SND1: variants seen among roughly 807,000 people sequenced by gnomAD.
The protein encoded by SND1 is staphylococcal nuclease domain-containing protein 1.
Under a neutral mutation model 121.7 loss-of-function variants are expected in SND1, and 38 were observed. The observed-to-expected ratio is 0.31, with a 90% CI of 0.24 to 0.41. The LOEUF is 0.41. Ranked by LOEUF, SND1 falls within the 10% of genes least tolerant of loss-of-function variation. SND1 has a pLI of 1.00. For missense variants in SND1, 868 were observed against 1,184.6 expected (o/e 0.73, Z 3.92); for synonymous variants, 401 against 447.4 (o/e 0.90, Z 1.31).
Position 128,067,265 on chromosome 7 carries a change from C to T in SND1, c.1780-7237C>T, listed in dbSNP as rs572346841. Among the ~76,000 whole-genome samples the T allele has an allele frequency of 1.5e-4, 23 of 152,350 alleles. No individual in the cohort carries two copies. In the South Asian group the frequency reaches 3.9e-3, roughly 26 times the overall value. Reference sequence around the variant, plus strand: ...CAGGATTGGCACCTGGATCACAGTTCTAGCCCAGGGCCTTTCTCTGCTCCT... The same window carrying T: ...CAGGATTGGCACCTGGATCACAGTTTTAGCCCAGGGCCTTTCTCTGCTCCT... On this transcript the variant is annotated intron_variant, in intron 16 of 23. Coordinates refer to ENST00000354725, the MANE Select transcript of SND1 (RefSeq NM_014390.4).
chr7:127,989,992 T>G (rs1802485063), intron 15 of SND1, among the ~76,000 whole-genome samples: 1 of 152,132 alleles, frequency 6.6e-6, no homozygotes. Context: ...TGTGGTTGGA[T>G]ACAAAAAAAG....
At chr7:127,654,451 A>G (rs1795177337) in intron 1 of SND1, among the ~76,000 whole-genome samples, 2 of 152,222 alleles carry the variant, frequency 1.3e-5, no homozygotes, top group African/African-American at 4.8e-5. Context: ...ATGCTCTTCA[A>G]TATCATGCAT....
chr7:127,869,835 T>C (rs192765344), intron 12 of SND1, among the ~76,000 whole-genome samples: 1 of 152,266 alleles, frequency 6.6e-6, no homozygotes, highest in African/African-American at 2.4e-5. Flanking sequence ...CCATCATCCC[T>C]CTGACAACTG....
chr7:127,798,362 A>G (rs1436003964), intron 10 of SND1, among the ~76,000 whole-genome samples: 1 of 152,194 alleles, frequency 6.6e-6, no homozygotes, highest in Non-Finnish European at 1.5e-5. Flanking sequence ...TGGGCAGGAA[A>G]GGAGACAAGA....
rs563863803 is a variant in SND1 at position 127,959,686 on chromosome 7, C to T, written c.1669+30357C>T. On this transcript the variant is annotated intron_variant, in intron 15 of 23. Transcript: ENST00000354725. ...CATTCCCTCTCCCTCTTCCATAGCA[C>T]TGTCACCATCCAACATGGTATGCAT... 2.0e-5 allele frequency among the ~76,000 whole-genome samples: 3 copies of T among 152,330 alleles called. No homozygotes were observed. The South Asian group carries it at 6.2e-4, about 32-fold the overall frequency.
intron 16 of SND1, among the ~76,000 whole-genome samples, chr7:127,995,825 T>G (rs1802637391): frequency 6.6e-6 from 1 of 152,236 alleles, no homozygotes; most frequent in Non-Finnish European, 1.5e-5. Context: ...TTTAACTGTC[T>G]TCACAGTTCC....
intron 11 of SND1, among the ~76,000 whole-genome samples, chr7:127,835,425 A>G (rs867452431): frequency 1.1e-4 from 16 of 152,066 alleles, no homozygotes; most frequent in Admixed American, 2.6e-4. Context: ...ACTGTGATTG[A>G]CGCTTGTATA....
intron 10 of SND1, among the ~76,000 whole-genome samples, chr7:127,802,804 C>T (rs942383026): frequency 4.6e-5 from 7 of 152,130 alleles, no homozygotes; most frequent in Admixed American, 2.0e-4. Flanking sequence ...TGAATCTTCC[C>T]GATCTTATTT....
chr7:127,753,802 C>A (rs775946515), intron 10 of SND1, among the ~76,000 whole-genome samples: 18 of 152,128 alleles, frequency 1.2e-4, no homozygotes, highest in Non-Finnish European at 1.6e-4. Flanking sequence ...TTTGTCTTTA[C>A]TACTGAACCC....
chr7:127,695,468 G>A (rs1795990071), intron 3 of SND1, among the ~76,000 whole-genome samples: 1 of 152,126 alleles, frequency 6.6e-6, no homozygotes, highest in Non-Finnish European at 1.5e-5. Context: ...TTCCTACCAT[G>A]TGCCCTTACT....
intron 9 of SND1, among the ~76,000 whole-genome samples, chr7:127,713,702 G>A (rs1796334837): frequency 6.6e-6 from 1 of 152,230 alleles, no homozygotes; most frequent in South Asian, 2.1e-4. Flanking sequence ...GTAGGTCAGA[G>A]TGCCAAGAGG....
intron 10 of SND1, among the ~76,000 whole-genome samples, chr7:127,769,223 G>A (rs973274877): frequency 3.3e-5 from 5 of 151,870 alleles, no homozygotes; most frequent in Admixed American, 1.3e-4. Flanking sequence ...TTTGTTTCTC[G>A]AAGCCCAAAA....
intron 15 of SND1, among the ~76,000 whole-genome samples, chr7:127,934,494 A>G (rs1249977926): frequency 2.0e-5 from 3 of 152,172 alleles, no homozygotes; most frequent in African/African-American, 7.2e-5. Context: ...TGGGAGAGCA[A>G]TTAAGAGGCA....
chr7:127,991,458 T>C (rs1802523061), intron 16 of SND1, among the ~76,000 whole-genome samples: 1 of 152,244 alleles, frequency 6.6e-6, no homozygotes, highest in Admixed American at 6.5e-5. Context: ...GTATTTTCTG[T>C]AGCGGGTTTT....
rs1030746503 is a variant in SND1 at position 127,798,176 on chromosome 7, G to A, written c.1153-9308G>A. Among the ~76,000 whole-genome samples the A allele has an allele frequency of 9.9e-5, 15 of 152,254 alleles. 1 individual carries two copies. Among genetic ancestry groups the A allele is most frequent in the East Asian group, 9.6e-4 (5 of 5,184 alleles). On this transcript the variant is annotated intron_variant, in intron 10 of 23. Coordinates refer to ENST00000354725, the MANE Select transcript of SND1 (RefSeq NM_014390.4). ...TCAGGCTCTTTAAGGACATGAGGCC[G>A]CCTAAATTTGCTTTACTTCTTCCCT...
At chr7:127,928,467 G>GA (rs911630864) in intron 14 of SND1, among the ~76,000 whole-genome samples, 1 of 150,308 alleles carries the variant, frequency 6.7e-6, no homozygotes, top group African/African-American at 2.4e-5. Flanking sequence ...GGCTTCCTGG[G>GA]ACAGGGTTAT....
intron 16 of SND1, among the ~76,000 whole-genome samples, chr7:128,017,887 C>T (rs900919750): frequency 2.0e-5 from 3 of 152,230 alleles, no homozygotes; most frequent in Non-Finnish European, 2.9e-5. Context: ...TGGTCAAGTC[C>T]TATAGGCACT....
At chr7:127,670,632 G>T (rs1795499584) in intron 1 of SND1, among the ~76,000 whole-genome samples, 1 of 151,972 alleles carries the variant, frequency 6.6e-6, no homozygotes, top group Admixed American at 6.6e-5. Flanking sequence ...TTTCTAGCTT[G>T]TCTGAATATA....
At chr7:127,895,188 C>T (rs1299431637) in intron 13 of SND1, among the ~76,000 whole-genome samples, 3 of 152,058 alleles carry the variant, frequency 2.0e-5, no homozygotes, top group Non-Finnish European at 2.9e-5. Flanking sequence ...CATGATTTCT[C>T]ACCTTCAATC....
Sources: gnomAD v4.1 joint callset for allele counts (sites outside exome capture counted in the v4.1 genomes callset) on GRCh38, gnomAD v4.1.1 for gene constraint, MANE v1.5 for transcripts, NCBI Gene and HGNC (gene_info 2026-07-23, HGNC 2026-07-21) for gene names.